The following PRPF31 variants were observed in gnomAD, a reference collection of about 807,000 sequenced individuals.
PRPF31 encodes the protein U4/U6 small nuclear ribonucleoprotein Prp31.
PRPF31 carries 12 observed loss-of-function variants against 60.4 expected under a neutral mutation model. The observed-to-expected ratio is 0.20, with a 90% CI of 0.13 to 0.32. The LOEUF (loss-of-function observed/expected upper bound fraction) is 0.32, where lower values mean the gene tolerates loss of function less well. PRPF31 is among the 10% of genes least tolerant of loss of function. The probability of loss-of-function intolerance (pLI) is 1.00; values close to 1 mark genes in which losing one functional copy is unlikely to be tolerated. For synonymous variants in PRPF31, 287 were observed against 287.9 expected (o/e 1.00, Z 0.03); for missense variants, 431 against 687.1 (o/e 0.63, Z 4.17).
intron 3 of PRPF31, among the ~76,000 whole-genome samples, chr19:54,121,568 A>T (rs1257784197): frequency 6.6e-6 from 1 of 152,124 alleles, no homozygotes; most frequent in Non-Finnish European, 1.5e-5. Flanking sequence ...GAGGCCCTGA[A>T]TGTCAGTCTG....
In PRPF31 at chr19:54,130,485, C is replaced by T. The variant is rs587686114; in HGVS notation, c.1375-822C>T. ...CTAAAAATACAAAAACTTAGCCGGG[C>T]GTGGTGGCGGGCGCCTGTAGTCCCA... On this transcript the variant is annotated intron_variant, in intron 13 of 13. Transcript: ENST00000321030. Among the ~76,000 whole-genome samples, 97 of 152,270 alleles carry T rather than the reference C, an allele frequency of 6.4e-4. 1 individual carries two copies. The highest frequency in any genetic ancestry group is 1.0e-3 in the South Asian group (5 of 4,822).
intron 11 of PRPF31, 125 bp downstream of exon 11, chr19:54,128,502 T>TC (rs35858995): frequency 0.26 from 204,612 of 801,862 alleles, 6,487 homozygotes; most frequent in Middle Eastern, 0.28. Flanking sequence ...TGCCCCAGCC[T>TC]CCCCCCCCCC....
intron 7 of PRPF31, 113 bp from the exon 8 acceptor site, chr19:54,124,386 A>G: frequency 9.8e-7 from 1 of 1,020,042 alleles, no homozygotes; most frequent in South Asian, 1.3e-5. Context: ...GAATCCAACC[A>G]GAACTTCATG....
chr19:54,129,736 C>T (rs1297423251), intron 13 of PRPF31, among the ~76,000 whole-genome samples: 10 of 148,798 alleles, frequency 6.7e-5, no homozygotes, highest in African/African-American at 1.2e-4. Context: ...AGAAAGTTCC[C>T]GGCTAGGCGG....
intron 1 of PRPF31, 84 bp from the exon 2 acceptor site, chr19:54,118,187 T>C (rs1323462691): frequency 2.5e-6 from 4 of 1,591,624 alleles, no homozygotes; most frequent in Non-Finnish European, 3.4e-6. Flanking sequence ...AGGACCAGGG[T>C]CTTCTGGGGG....
chr19:54,126,525 C>T lies in PRPF31; in HGVS notation c.856-3C>T. On this transcript the variant is annotated splice_polypyrimidine_tract_variant and splice_region_variant and intron_variant, in intron 8 of 13. Transcript: ENST00000321030. ...ATTCCACCCCCGTTTTCCGTTGCTC[C>T]AGGATCTGCGGCGGAAAGCGGCCCG... The T allele has an allele frequency of 1.2e-6, 2 of 1,612,796 alleles. No homozygotes were observed. The highest frequency in any genetic ancestry group is 1.7e-6 in the Non-Finnish European group (2 of 1,179,530).
chr19:54,124,337 C>T lies in PRPF31; in HGVS notation c.698-162C>T, dbSNP rs186847659. Reference sequence around the variant, plus strand: ...GAGCCTCCTTTGCATCTGCCCCTTGCGGAATGGGCCAGGTCGCCCGCCTGG... The same window carrying T: ...GAGCCTCCTTTGCATCTGCCCCTTGTGGAATGGGCCAGGTCGCCCGCCTGG... On this transcript the variant is annotated intron_variant, in intron 7 of 13. Coordinates refer to ENST00000321030, the MANE Select transcript of PRPF31 (RefSeq NM_015629.4). 209 of 753,596 alleles carry T rather than the reference C, an allele frequency of 2.8e-4. 1 individual carries two copies. In the East Asian group the frequency reaches 4.7e-3, roughly 17 times the overall value. The allele number at this position is 753,596 out of a possible 1,614,324, so 46.7% of individuals were successfully genotyped here. A position where few individuals can be genotyped will look rare whatever the true frequency, so the allele number is the denominator to read the frequency against.
At chr19:54,123,660 GCA>G (rs35291886) in intron 6 of PRPF31, 87 bp from the exon 7 acceptor site, 416 of 1,569,996 alleles carry the variant, frequency 2.6e-4, no homozygotes, top group Admixed American at 8.4e-4. Flanking sequence ...ATACACACAT[GCA>G]CACACACACA....
chr19:54,118,663 A>G, intron 3 of PRPF31, 30 bp downstream of exon 3: 1 of 1,610,358 alleles, frequency 6.2e-7, no homozygotes, highest in South Asian at 1.1e-5. Context: ...GCCCCTCCCC[A>G]TCTCCTGTCT....
At chr19:54,115,925 C>T in intron 1 of PRPF31, 128 bp downstream of exon 1, 1 of 170,460 alleles carries the variant, frequency 5.9e-6, no homozygotes, top group Non-Finnish European at 1.3e-5. Flanking sequence ...TGTTTTGAGA[C>T]GGAGTCTCGT....
At chr19:54,117,107 A>T (rs978747968) in intron 1 of PRPF31, among the ~76,000 whole-genome samples, 1 of 152,108 alleles carries the variant, frequency 6.6e-6, no homozygotes, top group Non-Finnish European at 1.5e-5. Flanking sequence ...AAAAAAGAAA[A>T]GAAAAGAAAA....
At position 54,123,446 on chromosome 19, in the gene PRPF31, GC is replaced by G; in HGVS notation, c.421-3del. On this transcript the variant is annotated splice_polypyrimidine_tract_variant and splice_region_variant and intron_variant, in intron 5 of 13. Transcript: ENST00000321030. ...CGAGCCTCCCCTATCTTCTCTGCTCGCCCCCAGGAGCTGGGCAACAGCCTGG... is the reference window on the plus strand; with the variant it reads ...CGAGCCTCCCCTATCTTCTCTGCTCGCCCCAGGAGCTGGGCAACAGCCTGG... 6.2e-7 allele frequency: 1 copy of G among 1,611,410 alleles called. No individual in the cohort carries two copies. Among genetic ancestry groups the G allele is most frequent in the Non-Finnish European group, 8.5e-7 (1 of 1,177,612 alleles).
At chr19:54,124,885 C>T (rs1238152842) in intron 8 of PRPF31, 10 of 608,300 alleles carry the variant, frequency 1.6e-5, no homozygotes, top group Non-Finnish European at 2.9e-5. Flanking sequence ...CCTCAGTCTC[C>T]TCCCCTATCA....
chr19:54,126,602 G>C lies in PRPF31; in HGVS notation c.930G>C (p.Glu310Asp). ...CAGCCCGTGTGGACAGTTTCCACGA[G>C]AGCACAGAAGGGAAGGTGAGGAGGG... ...TLAARVDSFH[E>D]STEGKVGYEL... The change falls in exon 9 of 14, where the codon GAG becomes GAC. Residue 310 changes from glutamate (E) to aspartate (D), a missense_variant. By Grantham distance (45) the Glu-to-Asp change is conservative. Coordinates refer to ENST00000321030, the MANE Select transcript of PRPF31 (RefSeq NM_015629.4). 6.2e-7 allele frequency: 1 copy of C among 1,613,794 alleles called. No homozygotes were observed. Among genetic ancestry groups the C allele is most frequent in the Non-Finnish European group, 8.5e-7 (1 of 1,179,902 alleles).
In PRPF31 at chr19:54,118,415, A is replaced by T; in HGVS notation, c.137A>T (p.Asp46Val). 1.2e-6 allele frequency: 2 copies of T among 1,614,098 alleles called. No homozygotes were observed. Among genetic ancestry groups the T allele is most frequent in the Non-Finnish European group, 1.7e-6 (2 of 1,180,024 alleles). Reference protein sequence around the residue: ...QEETQLDLSGDSVKTIAKLWD... With the variant: ...QEETQLDLSGVSVKTIAKLWD... Reference sequence around the variant, plus strand: ...GAGACACAGCTGGATCTTTCCGGGGATTCAGTCAAGACCATCGCCAAGCTA... The same window carrying T: ...GAGACACAGCTGGATCTTTCCGGGGTTTCAGTCAAGACCATCGCCAAGCTA... Residue 46 changes from aspartate (D) to valine (V), a missense_variant, in exon 2 of 14, where the codon GAT becomes GTT. Asp to Val is a radical substitution (Grantham distance 152). Around this residue, in one of 4 missense-constraint regions of PRPF31, gnomAD observed 113 missense variants for 173.8 expected, o/e 0.65. Transcript: ENST00000321030.
At chr19:54,124,470 C>T (rs749898466) in intron 7 of PRPF31, 29 bp from the exon 8 acceptor site, 5 of 1,572,740 alleles carry the variant, frequency 3.2e-6, no homozygotes, top group Non-Finnish European at 4.3e-6. Flanking sequence ...TTCTGACCGC[C>T]CCCCCTTCCT....
intron 5 of PRPF31, 141 bp from the exon 6 acceptor site, chr19:54,123,313 G>A (rs2073838601): frequency 1.4e-6 from 1 of 740,284 alleles, no homozygotes; most frequent in African/African-American, 1.7e-5. Context: ...TTCAGGCGGT[G>A]GAGGCAGGAG....
intron 13 of PRPF31, among the ~76,000 whole-genome samples, chr19:54,129,589 CT>C (rs2074005649): frequency 6.9e-6 from 1 of 144,382 alleles, no homozygotes; most frequent in Non-Finnish European, 1.5e-5. Flanking sequence ...GCACGCACTG[CT>C]TTAGAACCAG....
rs1186135759 is a variant in PRPF31 at position 54,124,537 on chromosome 19, G to A, written c.736G>A (p.Ala246Thr). ...GGLTNLSKMP[A>T]CNIMLLGAQR... ...CCTGACCAACCTCTCCAAGATGCCCGCCTGCAACATCATGCTGCTCGGGGC... is the reference window on the plus strand; with the variant it reads ...CCTGACCAACCTCTCCAAGATGCCCACCTGCAACATCATGCTGCTCGGGGC... Residue 246 changes from alanine to threonine, a missense_variant, in exon 8 of 14, where the codon GCC (alanine) becomes ACC (threonine). Physicochemically the swap from Ala to Thr is moderately conservative, Grantham distance 58 (BLOSUM62 0). Transcript: ENST00000321030. 2.2e-5 allele frequency: 35 copies of A among 1,610,244 alleles called. No homozygotes were observed. The highest frequency in any genetic ancestry group is 1.5e-4 in the Admixed American group (9 of 59,916).
Sources: allele counts gnomAD v4.1 joint callset (sites outside exome capture counted in the v4.1 genomes callset), GRCh38; gene constraint gnomAD v4.1.1; regional missense constraint gnomAD v4.1.1; transcripts MANE v1.5; gene names NCBI Gene and HGNC (gene_info 2026-07-23, HGNC 2026-07-21).